DPP10: variants seen among roughly 807,000 people sequenced by gnomAD.
DPP10 encodes the protein dipeptidyl peptidase like 10, also known as inactive dipeptidyl peptidase 10.
A neutral mutation model predicts 120.9 loss-of-function variants in DPP10; 33 were observed. That is an observed-to-expected ratio of 0.27 (90% CI 0.21 to 0.37). The LOEUF is 0.37. DPP10 is among the 10% of genes least tolerant of loss of function. DPP10 has a pLI of 1.00. For missense variants in DPP10, 816 were observed against 942.8 expected, an observed-to-expected ratio of 0.87 and a Z score of 1.76; for synonymous variants, 337 against 326.1, an observed-to-expected ratio of 1.03 and a Z score of -0.36.
At chr2:115,011,821 C>T (rs1380427355) in intron 1 of DPP10, among the ~76,000 whole-genome samples, 2 of 152,010 alleles carry the variant, frequency 1.3e-5, no homozygotes, top group Admixed American at 6.6e-5. Context: ...CTGCAGGCTC[C>T]CTGAGACACT....
chr2:115,534,646 A>G (rs1164276635), intron 5 of DPP10, among the ~76,000 whole-genome samples: 1 of 151,778 alleles, frequency 6.6e-6, no homozygotes, highest in Non-Finnish European at 1.5e-5. Context: ...TGGCTGGATC[A>G]AATGGTATTT....
intron 1 of DPP10, among the ~76,000 whole-genome samples, chr2:115,256,503 C>T (rs2059005407): frequency 6.6e-6 from 1 of 152,158 alleles, no homozygotes; most frequent in African/African-American, 2.4e-5. Context: ...TTGGAGCAGT[C>T]AGGATTCAGG....
intron 21 of DPP10, among the ~76,000 whole-genome samples, chr2:115,824,923 T>G (rs1688161754): frequency 6.6e-6 from 1 of 152,192 alleles, no homozygotes; most frequent in Admixed American, 6.5e-5. Context: ...AAGCATTGAT[T>G]AAATTAATTA....
chr2:115,329,551 A>AG (rs2062578248), intron 2 of DPP10, among the ~76,000 whole-genome samples: 1 of 151,936 alleles, frequency 6.6e-6, no homozygotes, highest in Non-Finnish European at 1.5e-5. Flanking sequence ...CTCATCATTT[A>AG]CATTAGGTAT....
intron 24 of DPP10, among the ~76,000 whole-genome samples, chr2:115,839,532 GGCATGGTGGT>G (rs1253063153): frequency 6.6e-6 from 1 of 151,882 alleles, no homozygotes; most frequent in Non-Finnish European, 1.5e-5. Flanking sequence ...AAATTAGCTG[GGCATGGTGGT>G]GCACGCCTAT....
At chr2:115,133,145 GTATATATATATATATATA>G (rs1246180843) in intron 1 of DPP10, among the ~76,000 whole-genome samples, 3 of 28,762 alleles carry the variant, frequency 1.0e-4, no homozygotes, top group Non-Finnish European at 2.0e-4. Context: ...GTGTGTGTGT[GTATATATATATATATATA>G]TATATATATA....
At chr2:114,674,014 T>C (rs1232713903) in intron 1 of DPP10, among the ~76,000 whole-genome samples, 1 of 152,122 alleles carries the variant, frequency 6.6e-6, no homozygotes, top group Non-Finnish European at 1.5e-5. Context: ...GTGTCTTGCC[T>C]TAGTTTGAAT....
chr2:114,636,803 A>T (rs1298105174), intron 1 of DPP10, among the ~76,000 whole-genome samples: 1 of 151,804 alleles, frequency 6.6e-6, no homozygotes, highest in Non-Finnish European at 1.5e-5. Context: ...ACCTCCTTAG[A>T]TGGTTTTTGA....
At chr2:115,569,744 T>C (rs1473969124) in intron 5 of DPP10, among the ~76,000 whole-genome samples, 1 of 152,228 alleles carries the variant, frequency 6.6e-6, no homozygotes, top group Non-Finnish European at 1.5e-5. Context: ...GCATACTGCA[T>C]AACATCTGCC....
chr2:115,307,043 A>T (rs2061385864), intron 1 of DPP10, among the ~76,000 whole-genome samples: 1 of 152,240 alleles, frequency 6.6e-6, no homozygotes, highest in African/African-American at 2.4e-5. Flanking sequence ...TATGAACTAG[A>T]ACTCCAGCTC....
At chr2:114,553,041 T>G (rs1404569541) in intron 1 of DPP10, among the ~76,000 whole-genome samples, 1 of 152,168 alleles carries the variant, frequency 6.6e-6, no homozygotes, top group African/African-American at 2.4e-5. Context: ...CAGTCAATGC[T>G]CCCAGATGCA....
intron 1 of DPP10, among the ~76,000 whole-genome samples, chr2:114,782,097 G>A (rs1428360703): frequency 2.0e-5 from 3 of 152,024 alleles, no homozygotes; most frequent in Non-Finnish European, 4.4e-5. Flanking sequence ...TTCAAAGTCA[G>A]CTTTTGAAGC....
At chr2:114,677,750 G>C (rs761892985) in intron 1 of DPP10, among the ~76,000 whole-genome samples, 1 of 152,110 alleles carries the variant, frequency 6.6e-6, no homozygotes, top group African/African-American at 2.4e-5. Flanking sequence ...GAATGCATTA[G>C]ATGAATTTGT....
intron 1 of DPP10, among the ~76,000 whole-genome samples, chr2:115,024,126 A>G (rs1339685540): frequency 6.6e-6 from 1 of 152,122 alleles, no homozygotes; most frequent in Non-Finnish European, 1.5e-5. Flanking sequence ...TCAGGTAACC[A>G]AACACCACCT....
At chr2:114,755,294 T>C (rs1679623575) in intron 1 of DPP10, among the ~76,000 whole-genome samples, 1 of 152,166 alleles carries the variant, frequency 6.6e-6, no homozygotes. Flanking sequence ...GTTTGTTTTG[T>C]TGCTGTTGTT....
intron 14 of DPP10, 130 bp from the exon 15 acceptor site, chr2:115,777,657 A>AG: frequency 1.0e-6 from 1 of 985,564 alleles, no homozygotes; most frequent in Non-Finnish European, 1.5e-6. Context: ...ATTCAAGTGA[A>AG]GATTTAATGT....
At chr2:115,802,705 G>T (rs1397135336) in intron 19 of DPP10, among the ~76,000 whole-genome samples, 2 of 152,084 alleles carry the variant, frequency 1.3e-5, no homozygotes, top group African/African-American at 2.4e-5. Flanking sequence ...AGTCATTCAG[G>T]AGCAGGTTGT....
At chr2:115,171,150 C>T (rs112848349) in intron 1 of DPP10, among the ~76,000 whole-genome samples, 5,680 of 152,040 alleles carry the variant, frequency 0.037, 340 homozygotes, top group African/African-American at 0.13. Flanking sequence ...CACCTGAGGT[C>T]AGGAGTTTGA....
At chr2:115,701,807 G>A (rs1447906936) in intron 7 of DPP10, among the ~76,000 whole-genome samples, 2 of 151,928 alleles carry the variant, frequency 1.3e-5, no homozygotes, top group Non-Finnish European at 2.9e-5. Flanking sequence ...AATGGGCAAT[G>A]AACCTAGATA....
Sources: allele counts gnomAD v4.1 joint callset (sites outside exome capture counted in the v4.1 genomes callset), GRCh38; gene constraint gnomAD v4.1.1; transcripts MANE v1.5; gene names NCBI Gene and HGNC (gene_info 2026-07-23, HGNC 2026-07-21).